ABCG1: variants seen among roughly 807,000 people sequenced by gnomAD.
ABCG1 encodes the protein ATP binding cassette subfamily G member 1.
In ABCG1, 29 loss-of-function variants were observed where a neutral mutation model predicts 69.2. The observed-to-expected ratio is 0.42, with a 90% CI of 0.31 to 0.57. ABCG1 has a LOEUF of 0.57. ABCG1 is among the 20% of genes least tolerant of loss of function. The pLI is 0.15. For synonymous variants in ABCG1, 370 were observed against 374.8 expected, an observed-to-expected ratio of 0.99 and a Z score of 0.15; for missense variants, 718 against 898.1, an observed-to-expected ratio of 0.80 and a Z score of 2.56.
chr21:42,253,374 C>T (rs1230131049), intron 2 of ABCG1, among the ~76,000 whole-genome samples: 1 of 152,160 alleles, frequency 6.6e-6, no homozygotes, highest in Non-Finnish European at 1.5e-5. Flanking sequence ...AAAGCTGGGA[C>T]CCCACTTGGT....
At chr21:42,259,059 T>G (rs1325342699) in intron 2 of ABCG1, among the ~76,000 whole-genome samples, 2 of 152,220 alleles carry the variant, frequency 1.3e-5, no homozygotes, top group African/African-American at 2.4e-5. Flanking sequence ...CAGACCTGCC[T>G]CAGTTGTCCT....
chr21:42,254,643 C>T (rs1429233542), intron 2 of ABCG1, among the ~76,000 whole-genome samples: 3 of 152,150 alleles, frequency 2.0e-5, no homozygotes, highest in South Asian at 2.1e-4. Flanking sequence ...AAAATGGAGG[C>T]GGTCGATGAG....
intron 2 of ABCG1, among the ~76,000 whole-genome samples, chr21:42,269,299 G>A (rs2068573034): frequency 6.6e-6 from 1 of 152,192 alleles, no homozygotes; most frequent in Admixed American, 6.5e-5. Context: ...ACTCCATGGT[G>A]CAGAGAGCTT....
chr21:42,215,335 C>T (rs2123480603), upstream of ABCG1, among the ~76,000 whole-genome samples: 2 of 152,362 alleles, frequency 1.3e-5, 1 homozygote, highest in Non-Finnish European at 2.9e-5. Flanking sequence ...CAGTGTGCCC[C>T]TTTCTCCCCT....
intron 2 of ABCG1, among the ~76,000 whole-genome samples, chr21:42,240,909 C>A (rs2068041859): frequency 1.3e-5 from 2 of 152,254 alleles, no homozygotes; most frequent in Admixed American, 6.5e-5. Flanking sequence ...CAGCACGGGC[C>A]ACGCTTGCTC....
intron 2 of ABCG1, among the ~76,000 whole-genome samples, chr21:42,248,719 C>T (rs1425261083): frequency 2.0e-5 from 3 of 151,056 alleles, no homozygotes; most frequent in Non-Finnish European, 4.4e-5. Context: ...GAAACCCTGC[C>T]TCTGCAAAAT....
At chr21:42,237,522 AT>A (rs968703950) in intron 2 of ABCG1, among the ~76,000 whole-genome samples, 1 of 152,188 alleles carries the variant, frequency 6.6e-6, no homozygotes, top group Non-Finnish European at 1.5e-5. Flanking sequence ...GGCACTCAGC[AT>A]GGGATTTTGT....
intron 3 of ABCG1, among the ~76,000 whole-genome samples, chr21:42,271,871 C>T (rs770244320): frequency 1.1e-4 from 17 of 152,218 alleles, no homozygotes; most frequent in Admixed American, 9.8e-4. Flanking sequence ...GTGACAAGAG[C>T]GAGACTCCAT....
intron 8 of ABCG1, among the ~76,000 whole-genome samples, chr21:42,286,598 G>A (rs1328753953): frequency 6.6e-6 from 1 of 152,188 alleles, no homozygotes; most frequent in East Asian, 1.9e-4. Flanking sequence ...GGAGCCCCAG[G>A]AGGGTTGTGG....
chr21:42,249,860 C>T (rs1318135961), intron 2 of ABCG1, among the ~76,000 whole-genome samples: 3 of 152,026 alleles, frequency 2.0e-5, no homozygotes, highest in Non-Finnish European at 4.4e-5. Flanking sequence ...CAAAAATTAG[C>T]CAGGCATGGT....
At chr21:42,206,358 A>G (rs140546920) in intron 2 of ABCG1, among the ~76,000 whole-genome samples, 2,620 of 139,562 alleles carry the variant, frequency 0.019, 75 homozygotes, top group African/African-American at 0.068. Context: ...TCAAAAATAA[A>G]TAAATAAATA....
At chr21:42,293,723 T>C (rs1276357776) in intron 13 of ABCG1, among the ~76,000 whole-genome samples, 3 of 133,914 alleles carry the variant, frequency 2.2e-5, no homozygotes, top group African/African-American at 8.7e-5. Context: ...CACTACACAC[T>C]ACACACAAAT....
chr21:42,224,751 G>A (rs1340091195), intron 1 of ABCG1, among the ~76,000 whole-genome samples: 1 of 152,140 alleles, frequency 6.6e-6, no homozygotes, highest in Non-Finnish European at 1.5e-5. Flanking sequence ...TCTGTGTTTT[G>A]AAGGTACCTG....
intron 2 of ABCG1, among the ~76,000 whole-genome samples, chr21:42,245,162 C>T (rs1010179662): frequency 4.6e-5 from 7 of 152,156 alleles, no homozygotes; most frequent in Non-Finnish European, 1.0e-4. Context: ...AGACACCCCA[C>T]ACTTTGTACC....
At chr21:42,201,148 C>A (rs1015680594) in intron 1 of ABCG1, among the ~76,000 whole-genome samples, 1 of 152,018 alleles carries the variant, frequency 6.6e-6, no homozygotes, top group African/African-American at 2.4e-5. Flanking sequence ...GGTTTTGATA[C>A]GTGTCTGCAA....
intron 2 of ABCG1, among the ~76,000 whole-genome samples, chr21:42,248,902 C>CAA (rs71332356): frequency 0.27 from 24,904 of 90,594 alleles, 3,095 homozygotes; most frequent in Middle Eastern, 0.39. Flanking sequence ...AGACCTCTCT[C>CAA]AAAAAAAAAA....
intron 3 of ABCG1, among the ~76,000 whole-genome samples, chr21:42,272,454 A>G (rs771111485): frequency 1.3e-5 from 2 of 152,254 alleles, no homozygotes; most frequent in Non-Finnish European, 2.9e-5. Flanking sequence ...CCGCAGGCCC[A>G]CAGTCATAGT....
intron 2 of ABCG1, among the ~76,000 whole-genome samples, chr21:42,206,379 TAAATAAACAAACAAAC>T (rs955076657): frequency 4.1e-5 from 6 of 147,274 alleles, no homozygotes; most frequent in African/African-American, 1.3e-4. Context: ...AATAAATAAA[TAAATAAACAAACAAAC>T]AAACAAACAC....
intron 2 of ABCG1, among the ~76,000 whole-genome samples, chr21:42,266,980 T>C (rs550160499): frequency 1.3e-5 from 2 of 152,332 alleles, no homozygotes; most frequent in East Asian, 1.9e-4. Flanking sequence ...GTTGAACTTA[T>C]GGCTTTTTTT....
Sources: allele counts gnomAD v4.1 joint callset (sites outside exome capture counted in the v4.1 genomes callset), GRCh38; gene constraint gnomAD v4.1.1; transcripts MANE v1.5; gene names NCBI Gene and HGNC (gene_info 2026-07-23, HGNC 2026-07-21).